TFDP2: variants seen among roughly 807,000 people sequenced by gnomAD.
TFDP2 encodes the protein transcription factor Dp-2 (E2F dimerization partner 2).
In TFDP2, 17 loss-of-function variants were observed where a neutral mutation model predicts 59.3. That is an observed-to-expected ratio of 0.29 (90% CI 0.20 to 0.43). TFDP2 has a LOEUF of 0.43. TFDP2 is among the 20% of genes least tolerant of loss of function. The pLI, the probability that TFDP2 is intolerant of heterozygous loss-of-function variation, is 1.00. For synonymous variants in TFDP2, 180 were observed against 194.7 expected, an observed-to-expected ratio of 0.92 and a Z score of 0.63; for missense variants, 391 against 528.8, an observed-to-expected ratio of 0.74 and a Z score of 2.56.
intron 8 of TFDP2, among the ~76,000 whole-genome samples, chr3:141,973,505 G>A (rs1042221614): frequency 6.6e-6 from 1 of 152,114 alleles, no homozygotes; most frequent in Admixed American, 6.5e-5. Flanking sequence ...AATGCTTAAA[G>A]TTAACAGAAC....
At chr3:142,003,788 T>C (rs1241334672) in intron 4 of TFDP2, among the ~76,000 whole-genome samples, 4 of 151,140 alleles carry the variant, frequency 2.6e-5, no homozygotes, top group African/African-American at 9.7e-5. Flanking sequence ...GTAGCACACA[T>C]CACTACTTAT....
chr3:141,968,519 CATATATATAG>C (rs1938700982), intron 9 of TFDP2, among the ~76,000 whole-genome samples: 2 of 98,974 alleles, frequency 2.0e-5, no homozygotes, highest in Non-Finnish European at 3.5e-5. Flanking sequence ...ATATATATCT[CATATATATAG>C]ATATATATAA....
chr3:142,030,434 T>C (rs1463732668), intron 3 of TFDP2, among the ~76,000 whole-genome samples: 2 of 152,218 alleles, frequency 1.3e-5, no homozygotes, highest in African/African-American at 4.8e-5. Context: ...ACTTGGAAAT[T>C]ACACAGAATC....
chr3:142,079,118 C>T (rs982173345), intron 3 of TFDP2, among the ~76,000 whole-genome samples: 5 of 152,006 alleles, frequency 3.3e-5, no homozygotes, highest in East Asian at 3.9e-4. Context: ...GCCTGGCCAA[C>T]CTGGTGAAGC....
At chr3:142,108,774 C>T (rs2061559101) in intron 1 of TFDP2, among the ~76,000 whole-genome samples, 1 of 152,130 alleles carries the variant, frequency 6.6e-6, no homozygotes, top group African/African-American at 2.4e-5. Context: ...CTCTCCAGCT[C>T]TATTAAACTC....
At chr3:142,110,636 C>T (rs748888354) in intron 1 of TFDP2, among the ~76,000 whole-genome samples, 10 of 152,038 alleles carry the variant, frequency 6.6e-5, no homozygotes, top group Non-Finnish European at 1.3e-4. Context: ...GCCAGCTACC[C>T]GTCAAACACT....
At chr3:141,985,949 CAAG>C (rs978960110) in intron 6 of TFDP2, among the ~76,000 whole-genome samples, 15 of 152,100 alleles carry the variant, frequency 9.9e-5, no homozygotes, top group African/African-American at 3.6e-4. Flanking sequence ...TACCATTTCA[CAAG>C]AAGTGTTAGC....
At chr3:142,140,323 G>C (rs921329880) in intron 1 of TFDP2, among the ~76,000 whole-genome samples, 4 of 152,076 alleles carry the variant, frequency 2.6e-5, no homozygotes, top group Admixed American at 2.6e-4. Context: ...CTTTAGCTCA[G>C]AGAAGTTTGT....
At chr3:142,128,304 T>G (rs184594941) in intron 1 of TFDP2, among the ~76,000 whole-genome samples, 43 of 152,338 alleles carry the variant, frequency 2.8e-4, no homozygotes, top group Admixed American at 9.2e-4. Flanking sequence ...GGTTGTGTAT[T>G]ATATCATCTC....
chr3:142,068,896 G>T (rs533612472), intron 3 of TFDP2, among the ~76,000 whole-genome samples: 2 of 152,006 alleles, frequency 1.3e-5, no homozygotes, highest in African/African-American at 4.8e-5. Context: ...TATATACCCA[G>T]ATCACTGTTT....
At chr3:142,035,768 A>G (rs748691882) in intron 3 of TFDP2, among the ~76,000 whole-genome samples, 59 of 152,300 alleles carry the variant, frequency 3.9e-4, no homozygotes, top group Middle Eastern at 6.8e-3. Flanking sequence ...GTTTTCCTGC[A>G]CAAGCGCTCC....
intron 3 of TFDP2, among the ~76,000 whole-genome samples, chr3:142,048,357 G>A (rs1947450472): frequency 6.6e-6 from 1 of 151,220 alleles, no homozygotes; most frequent in South Asian, 2.1e-4. Flanking sequence ...AGATTGCAGT[G>A]AGCCGAATTT....
chr3:142,147,766 T>A (rs141896968), intron 1 of TFDP2, among the ~76,000 whole-genome samples: 1 of 152,182 alleles, frequency 6.6e-6, no homozygotes, highest in Non-Finnish European at 1.5e-5. Context: ...GATGTTCTAA[T>A]AAATAACAAA....
At chr3:141,998,925 A>G (rs1253970528) in intron 4 of TFDP2, among the ~76,000 whole-genome samples, 1 of 152,228 alleles carries the variant, frequency 6.6e-6, no homozygotes, top group Non-Finnish European at 1.5e-5. Flanking sequence ...AAAAAAAATT[A>G]CAAAATTATA....
At chr3:141,983,417 A>G (rs987669420) in intron 6 of TFDP2, among the ~76,000 whole-genome samples, 1 of 152,170 alleles carries the variant, frequency 6.6e-6, no homozygotes, top group Non-Finnish European at 1.5e-5. Context: ...CAAGTGGATC[A>G]CTTGAGGTCA....
intron 11 of TFDP2, among the ~76,000 whole-genome samples, chr3:141,958,590 G>A (rs906790596): frequency 1.3e-5 from 2 of 152,320 alleles, no homozygotes; most frequent in East Asian, 1.9e-4. Flanking sequence ...GACTGGAACA[G>A]TAATGTGCTT....
chr3:142,067,003 C>G (rs984049828), intron 3 of TFDP2, among the ~76,000 whole-genome samples: 2 of 152,124 alleles, frequency 1.3e-5, no homozygotes, highest in African/African-American at 4.8e-5. Flanking sequence ...GGAAAACTTA[C>G]TCAACCTGAT....
chr3:142,040,102 T>C (rs943500925), intron 3 of TFDP2, among the ~76,000 whole-genome samples: 2 of 92,082 alleles, frequency 2.2e-5, no homozygotes, highest in African/African-American at 8.8e-5. Flanking sequence ...TTATAAGACA[T>C]ACACAAAATA....
intron 3 of TFDP2, among the ~76,000 whole-genome samples, chr3:142,075,166 T>C (rs1477675369): frequency 2.6e-5 from 4 of 152,096 alleles, no homozygotes; most frequent in Admixed American, 2.0e-4. Context: ...ATATGACAGA[T>C]ACGAAAAGCA....
Sources: gnomAD v4.1 joint callset for allele counts (sites outside exome capture counted in the v4.1 genomes callset) on GRCh38, gnomAD v4.1.1 for gene constraint, MANE v1.5 for transcripts, NCBI Gene and HGNC (gene_info 2026-07-23, HGNC 2026-07-21) for gene names.